The following DNAH9 variants were observed in gnomAD, a reference collection of about 807,000 sequenced individuals.
DNAH9 encodes DNAH9 variant protein.
DNAH9 carries 345 observed loss-of-function variants against 471.6 expected under a neutral mutation model. The observed-to-expected ratio is 0.73, with a 90% CI of 0.67 to 0.80. The LOEUF (loss-of-function observed/expected upper bound fraction) is 0.80. Among genes scored for constraint, DNAH9 ranks in the 30% least tolerant of loss-of-function variants. DNAH9 has a pLI of 0.00. For missense variants in DNAH9, 5,407 were observed against 5,609.2 expected (o/e 0.96, Z 1.15); for synonymous variants, 2,093 against 2,123.6 (o/e 0.99, Z 0.40).
chr17:11,905,594 T>C, intron 60 of DNAH9, 67 bp from the exon 61 acceptor site: 1 of 1,532,376 alleles, frequency 6.5e-7, no homozygotes, highest in South Asian at 1.2e-5. Flanking sequence ...AGGCCTCTAT[T>C]TCTCAAATGT....
chr17:11,825,671 G>A (rs575756912), intron 48 of DNAH9, among the ~76,000 whole-genome samples: 3 of 152,282 alleles, frequency 2.0e-5, no homozygotes, highest in African/African-American at 2.4e-5. Context: ...GCCAGCACAG[G>A]TTCTTGTCTT....
At chr17:11,696,929 G>T (rs929740225) in intron 22 of DNAH9, among the ~76,000 whole-genome samples, 1 of 151,910 alleles carries the variant, frequency 6.6e-6, no homozygotes, top group Non-Finnish European at 1.5e-5. Context: ...GAGTGCAGTG[G>T]CATGATCATA....
At chr17:11,869,663 A>C (rs931932244) in intron 51 of DNAH9, among the ~76,000 whole-genome samples, 3 of 152,120 alleles carry the variant, frequency 2.0e-5, no homozygotes, top group African/African-American at 7.2e-5. Context: ...AAAGAATGAG[A>C]CCTACTGACC....
chr17:11,939,758 G>A (rs1974836589), intron 66 of DNAH9, among the ~76,000 whole-genome samples: 1 of 152,116 alleles, frequency 6.6e-6, no homozygotes, highest in Non-Finnish European at 1.5e-5. Flanking sequence ...GGGGATTTTA[G>A]TATATAGCTA....
At chr17:11,671,919 G>T (rs1284362458) in intron 17 of DNAH9, among the ~76,000 whole-genome samples, 2 of 152,194 alleles carry the variant, frequency 1.3e-5, no homozygotes, top group Non-Finnish European at 2.9e-5. Flanking sequence ...TCTGAAAGAA[G>T]ACAGCCCAAC....
intron 68 of DNAH9, among the ~76,000 whole-genome samples, chr17:11,964,330 AAAAGG>A (rs746929343): frequency 1.4e-4 from 21 of 152,210 alleles, no homozygotes; most frequent in Non-Finnish European, 3.1e-4. Flanking sequence ...GAGAAGTACC[AAAAGG>A]AAAGTAGGCA....
At chr17:11,646,847 A>G (rs572063168) in intron 11 of DNAH9, among the ~76,000 whole-genome samples, 49 of 152,314 alleles carry the variant, frequency 3.2e-4, no homozygotes, top group East Asian at 7.7e-4. Context: ...CGGGAGGCAG[A>G]GGTTGCAGTG....
intron 19 of DNAH9, among the ~76,000 whole-genome samples, chr17:11,681,803 G>T (rs1175079493): frequency 6.6e-6 from 1 of 152,164 alleles, no homozygotes; most frequent in East Asian, 1.9e-4. Context: ...AACTTCACTG[G>T]AACGAAGTTC....
chr17:11,669,679 G>C lies in DNAH9; in HGVS notation c.3238G>C (p.Val1080Leu). The C allele has an allele frequency of 6.2e-7, 1 of 1,614,140 alleles. No homozygotes were observed. Among genetic ancestry groups the C allele is most frequent in the Non-Finnish European group, 8.5e-7 (1 of 1,180,008 alleles). ...EEVCRLEPIKVFDGWMKIDIR... is the reference protein window; with the variant it reads ...EEVCRLEPIKLFDGWMKIDIR... ...GGTGTGCAGGCTGGAACCCATCAAG[G>C]TGTTTGACGGCTGGATGAAAATTGA... Residue 1080 changes from valine (V) to leucine (L), a missense_variant, in exon 17 of 69, where the codon GTG becomes CTG. Around this residue, in one of 3 missense-constraint regions of DNAH9, gnomAD observed 4,636 missense variants for 4,900.3 expected, o/e 0.95. Transcript: ENST00000262442.
Position 11,679,817 on chromosome 17 carries a change from A to T in DNAH9, c.3414A>T (p.Glu1138Asp), listed in dbSNP as rs138030254. ...KSESGLLKKV[E>D]KGDFQGLVEI... ...AGAGCGGCTTACTCAAGAAAGTTGA[A>T]AAAGGAGATTTCCAAGGCTTGGTTG... is the stretch of plus-strand genomic sequence containing the variant. Residue 1138 changes from glutamate (E) to aspartate (D), a missense_variant, in exon 18 of 69, where the codon GAA becomes GAT. Around this residue, in one of 3 missense-constraint regions of DNAH9, gnomAD observed 4,636 missense variants for 4,900.3 expected, o/e 0.95. Transcript: ENST00000262442. 2 of 1,614,168 alleles carry T rather than the reference A, an allele frequency of 1.2e-6. No homozygotes were observed. Among genetic ancestry groups the T allele is most frequent in the African/African-American group, 2.7e-5 (2 of 75,054 alleles).
chr17:11,779,585 C>G (rs534875375), intron 38 of DNAH9, among the ~76,000 whole-genome samples: 1 of 152,276 alleles, frequency 6.6e-6, no homozygotes, highest in Admixed American at 6.5e-5. Flanking sequence ...TTAATCAACC[C>G]AAATTACAGG....
chr17:11,777,928 A>C (rs1174165599), intron 38 of DNAH9, among the ~76,000 whole-genome samples: 1 of 152,158 alleles, frequency 6.6e-6, no homozygotes, highest in Non-Finnish European at 1.5e-5. Context: ...ATGAAATTGA[A>C]GGGGATGGAT....
At chr17:11,770,756 C>A (rs190968313) in intron 38 of DNAH9, among the ~76,000 whole-genome samples, 96 of 152,284 alleles carry the variant, frequency 6.3e-4, no homozygotes, top group African/African-American at 2.1e-3. Context: ...ATTTTTTGTG[C>A]TCTTCACAAT....
intron 17 of DNAH9, among the ~76,000 whole-genome samples, chr17:11,678,605 G>A (rs2074085523): frequency 6.6e-6 from 1 of 152,140 alleles, no homozygotes; most frequent in Admixed American, 6.5e-5. Context: ...TGTTTTTGTT[G>A]TATGTGTGCT....
Position 11,704,211 on chromosome 17 carries a change from G to T in DNAH9, c.5160G>T (p.Leu1720=). ...WLFDHPAQVA[L]TCTQIWWTTE... ...AACTCTTGCTGCCACAGGTGGCCCT[G>T]ACCTGTACTCAGATCTGGTGGACAA... Residue 1720 remains leucine, a synonymous_variant, in exon 25 of 69, where the codon CTG becomes CTT. Transcript: ENST00000262442. The T allele has an allele frequency of 6.2e-7, 1 of 1,614,032 alleles. No homozygotes were observed. Among genetic ancestry groups the T allele is most frequent in the South Asian group, 1.1e-5 (1 of 91,070 alleles).
intron 9 of DNAH9, among the ~76,000 whole-genome samples, chr17:11,639,110 TATC>T (rs2073217382): frequency 6.6e-6 from 1 of 152,324 alleles, no homozygotes; most frequent in Admixed American, 6.5e-5. Context: ...CTGTATGACA[TATC>T]ATGACCACAG....
rs760917507 is a variant in DNAH9 at position 11,892,185 on chromosome 17, G to T, written c.11283+238G>T. Among the ~76,000 whole-genome samples the T allele has an allele frequency of 1.3e-5, 2 of 152,118 alleles. 1 individual carries two copies. The highest frequency in any genetic ancestry group is 2.9e-5 in the Non-Finnish European group (2 of 68,026). On this transcript the variant is annotated intron_variant, in intron 58 of 68. Transcript: ENST00000262442. This position sits in a 1 kb window ranked among gnomAD's most constrained non-coding sequence, Gnocchi z 4.3. ...GTACTTTTTCTTGCTGATCCTGGAA[G>T]ATCTAAGATCTTCCTCAGCACAGCA...
At chr17:11,824,246 C>G (rs1404419055) in intron 48 of DNAH9, among the ~76,000 whole-genome samples, 2 of 152,132 alleles carry the variant, frequency 1.3e-5, no homozygotes, top group East Asian at 3.8e-4. Context: ...ATCATGTGTT[C>G]CTGTAGTTAT....
intron 50 of DNAH9, 40 bp downstream of exon 50, chr17:11,854,468 C>G: frequency 6.4e-7 from 1 of 1,567,018 alleles, no homozygotes; most frequent in Non-Finnish European, 8.6e-7. Context: ...TAGTCCGCCT[C>G]CAATACAAAC....
Sources: gnomAD v4.1 joint callset for allele counts (sites outside exome capture counted in the v4.1 genomes callset) on GRCh38, gnomAD v4.1.1 for gene constraint, gnomAD v4.1.1 regional missense constraint, Gnocchi (gnomAD v3.1) non-coding constraint, MANE v1.5 for transcripts, NCBI Gene and HGNC (gene_info 2026-07-23, HGNC 2026-07-21) for gene names.